The following NELL1 variants were observed in gnomAD, a reference collection of about 807,000 sequenced individuals.
The protein encoded by NELL1 is protein kinase C-binding protein NELL1.
NELL1 carries 76 observed loss-of-function variants against 107.4 expected under a neutral mutation model. The observed-to-expected ratio is 0.71, with a 90% CI of 0.59 to 0.86. The LOEUF (loss-of-function observed/expected upper bound fraction) is 0.86. Among genes scored for constraint, NELL1 ranks in the 40% least tolerant of loss-of-function variants. NELL1 has a pLI of 0.00. For missense variants in NELL1, 1,024 were observed against 1,005.5 expected, an observed-to-expected ratio of 1.02 and a Z score of -0.25; for synonymous variants, 353 against 341.2, an observed-to-expected ratio of 1.03 and a Z score of -0.38.
chr11:20,992,347 C>G (rs1851993876), intron 12 of NELL1, among the ~76,000 whole-genome samples: 1 of 152,192 alleles, frequency 6.6e-6, no homozygotes, highest in African/African-American at 2.4e-5. Flanking sequence ...GATTTGCAGT[C>G]TGCCAGAGGA....
At chr11:20,737,340 T>A (rs1428164563) in intron 2 of NELL1, among the ~76,000 whole-genome samples, 7 of 152,010 alleles carry the variant, frequency 4.6e-5, no homozygotes. Flanking sequence ...ATATCTGAGT[T>A]AGAGCAAAAA....
At chr11:21,574,237 T>C (rs1857169650) in intron 19 of NELL1, among the ~76,000 whole-genome samples, 1 of 123,756 alleles carries the variant, frequency 8.1e-6, no homozygotes, top group Non-Finnish European at 1.9e-5. Flanking sequence ...TGCCTCTTTA[T>C]GCTGTTATAA....
intron 3 of NELL1, among the ~76,000 whole-genome samples, chr11:20,801,560 G>A (rs1004040357): frequency 8.5e-5 from 13 of 152,104 alleles, no homozygotes; most frequent in Admixed American, 5.2e-4. Flanking sequence ...TCCCTTTTCC[G>A]TAAAGAGGTT....
intron 14 of NELL1, among the ~76,000 whole-genome samples, chr11:21,311,587 C>T (rs1849751089): frequency 6.6e-6 from 1 of 152,110 alleles, no homozygotes; most frequent in African/African-American, 2.4e-5. Flanking sequence ...ATTAATGCCT[C>T]AATTAACTTT....
rs144698096 is a variant in NELL1 at position 20,943,982 on chromosome 11, G to T, written c.1072-3354G>T. On this transcript the variant is annotated intron_variant, in intron 10 of 19. Transcript: ENST00000357134. ...GGGACATAGTTAATGGATATTGTCA[G>T]CAGAGAGTGAGGGTAATGGGTATAG... 4.3e-3 allele frequency among the ~76,000 whole-genome samples: 656 copies of T among 152,278 alleles called. 3 individuals carry two copies. Among genetic ancestry groups the T allele is most frequent in the African/African-American group, 0.015 (611 of 41,542 alleles).
At chr11:21,404,012 C>CT (rs972552996) in intron 15 of NELL1, among the ~76,000 whole-genome samples, 1 of 112,088 alleles carries the variant, frequency 8.9e-6, no homozygotes. Flanking sequence ...TGAACCCCCC[C>CT]CCCCGCAATC....
At chr11:21,284,568 G>A (rs1296152223) in intron 14 of NELL1, 7 of 452,890 alleles carry the variant, frequency 1.5e-5, no homozygotes, top group African/African-American at 4.0e-5. Flanking sequence ...AATGCAGTGA[G>A]TATCCCAGCC....
intron 17 of NELL1, among the ~76,000 whole-genome samples, chr11:21,566,976 G>T (rs1856987535): frequency 6.6e-6 from 1 of 151,754 alleles, no homozygotes; most frequent in South Asian, 2.1e-4. Flanking sequence ...CACTAACCCT[G>T]GAGGCTATCC....
chr11:21,484,975 T>C (rs892878126), intron 15 of NELL1, among the ~76,000 whole-genome samples: 4 of 151,956 alleles, frequency 2.6e-5, no homozygotes, highest in Non-Finnish European at 2.9e-5. Flanking sequence ...GAGAGGGAAA[T>C]AGGCAGGCTG....
chr11:21,264,071 GGTGT>G (rs10525326), intron 14 of NELL1, among the ~76,000 whole-genome samples: 13 of 139,530 alleles, frequency 9.3e-5, no homozygotes, highest in Middle Eastern at 3.6e-3. Context: ...TCTACAATGG[GGTGT>G]GTGTGTGTGT....
chr11:20,723,088 CAT>C (rs1444673419), intron 2 of NELL1, among the ~76,000 whole-genome samples: 2 of 152,248 alleles, frequency 1.3e-5, no homozygotes, highest in East Asian at 3.9e-4. Flanking sequence ...CCTCCCCTGA[CAT>C]GTGGGGATTA....
At chr11:20,752,395 C>A (rs1346493222) in intron 2 of NELL1, among the ~76,000 whole-genome samples, 3 of 152,044 alleles carry the variant, frequency 2.0e-5, no homozygotes, top group African/African-American at 7.2e-5. Flanking sequence ...ACTAAAAATA[C>A]AAAATTAGCT....
rs540402281 is a variant in NELL1 at position 21,536,842 on chromosome 11, C to T, written c.1786+2328C>T. On this transcript the variant is annotated intron_variant, in intron 16 of 19. Coordinates refer to ENST00000357134, the MANE Select transcript of NELL1 (RefSeq NM_006157.5). ...GTTTATGCCTCTTGTTTCAATGTTA[C>T]CTGTAGAGCCCTATCACCCTCATAA... Among the ~76,000 whole-genome samples, 5 of 152,228 alleles carry T rather than the reference C, an allele frequency of 3.3e-5. No individual in the cohort carries two copies. The South Asian group carries it at 1.0e-3, about 32-fold the overall frequency.
At chr11:21,185,939 T>G (rs1483605370) in intron 13 of NELL1, among the ~76,000 whole-genome samples, 2 of 151,708 alleles carry the variant, frequency 1.3e-5, no homozygotes, top group African/African-American at 4.9e-5. Flanking sequence ...CTCACAGAAC[T>G]TATTGGTAGG....
chr11:21,251,887 T>A (rs1387876164), intron 14 of NELL1, among the ~76,000 whole-genome samples: 3 of 152,076 alleles, frequency 2.0e-5, no homozygotes, highest in South Asian at 2.1e-4. Flanking sequence ...GATGAAGTTC[T>A]GGAACAACTT....
At chr11:20,695,985 A>T (rs541457475) in intron 2 of NELL1, among the ~76,000 whole-genome samples, 2 of 151,988 alleles carry the variant, frequency 1.3e-5, no homozygotes, top group Non-Finnish European at 2.9e-5. Flanking sequence ...CAGGGGTTCA[A>T]TTCCTTCTTG....
intron 15 of NELL1, among the ~76,000 whole-genome samples, chr11:21,486,132 C>T (rs1243606488): frequency 2.6e-5 from 4 of 152,114 alleles, no homozygotes; most frequent in Admixed American, 6.5e-5. Context: ...ATTCCTGATA[C>T]TACCAACATC....
At chr11:20,882,665 A>G (rs538001684) in intron 4 of NELL1, among the ~76,000 whole-genome samples, 129 of 152,370 alleles carry the variant, frequency 8.5e-4, no homozygotes, top group African/African-American at 2.8e-3. Flanking sequence ...TCACTTAAGT[A>G]TATACTGCCC....
chr11:21,162,843 A>G (rs1387210305), intron 13 of NELL1, among the ~76,000 whole-genome samples: 1 of 152,216 alleles, frequency 6.6e-6, no homozygotes, highest in Non-Finnish European at 1.5e-5. Flanking sequence ...GTGTAATTAT[A>G]TGTTTTAAAT....
Sources: allele counts gnomAD v4.1 joint callset (sites outside exome capture counted in the v4.1 genomes callset), GRCh38; gene constraint gnomAD v4.1.1; transcripts MANE v1.5; gene names NCBI Gene and HGNC (gene_info 2026-07-23, HGNC 2026-07-21).